ANO5: variants seen among roughly 807,000 people sequenced by gnomAD.
The protein encoded by ANO5 is anoctamin-5.
A neutral mutation model predicts 121.0 loss-of-function variants in ANO5; 109 were observed. The observed-to-expected ratio is 0.90, with a 90% CI of 0.77 to 1.06. ANO5 has a LOEUF of 1.06. Among genes scored for constraint, ANO5 ranks in the 50% least tolerant of loss-of-function variants. The pLI is 0.00. For synonymous variants in ANO5, 406 were observed against 359.9 expected, an observed-to-expected ratio of 1.13 and a Z score of -1.45; for missense variants, 1,064 against 1,078.5, an observed-to-expected ratio of 0.99 and a Z score of 0.19.
intron 18 of ANO5, among the ~76,000 whole-genome samples, chr11:22,271,417 C>T (rs767778518): frequency 7.2e-5 from 11 of 152,136 alleles, no homozygotes; most frequent in Admixed American, 1.3e-4. Context: ...AGCCAAAATT[C>T]TTCATACTTC....
chr11:22,230,002 T>G (rs1852985062), intron 7 of ANO5, among the ~76,000 whole-genome samples: 1 of 152,026 alleles, frequency 6.6e-6, no homozygotes, highest in African/African-American at 2.4e-5. Flanking sequence ...TCATGGCATC[T>G]GAGCTTCACA....
At chr11:22,250,405 C>T (rs755091595) in intron 10 of ANO5, 34 bp downstream of exon 10, 185 of 1,610,664 alleles carry the variant, frequency 1.1e-4, no homozygotes, top group Non-Finnish European at 1.5e-4. Flanking sequence ...ATAGAGAAAA[C>T]ATCTTTATCT....
chr11:22,239,309 AG>A (rs1294169579), intron 8 of ANO5, among the ~76,000 whole-genome samples: 2 of 152,102 alleles, frequency 1.3e-5, no homozygotes, highest in African/African-American at 4.8e-5. Context: ...TAGAGAAGAA[AG>A]GGCATTCCAG....
In ANO5 at chr11:22,270,415, G is replaced by A; in HGVS notation, c.2002G>A (p.Gly668Arg). ...DHDLESFGPLGLFYEYLETVT... is the reference protein window; with the variant it reads ...DHDLESFGPLRLFYEYLETVT... ...TGACCTTGAAAGTTTTGGACCCCTT[G>A]GGCTTTTCTATGAGTACTTAGAAAC... The change falls in exon 18 of 22, where the codon GGG becomes AGG. Residue 668 changes from glycine to arginine, a missense_variant. Physicochemically the swap from Gly to Arg is moderately radical, Grantham distance 125. Coordinates refer to ENST00000324559, the MANE Select transcript of ANO5 (RefSeq NM_213599.3). The A allele has an allele frequency of 1.2e-6, 2 of 1,614,034 alleles. No individual in the cohort carries two copies. The highest frequency in any genetic ancestry group is 1.7e-6 in the Non-Finnish European group (2 of 1,179,960).
intron 16 of ANO5, among the ~76,000 whole-genome samples, 195 bp downstream of exon 16, chr11:22,262,493 T>C (rs1854222481): frequency 6.6e-6 from 1 of 152,192 alleles, no homozygotes; most frequent in Non-Finnish European, 1.5e-5. Context: ...GAGCAAGAAG[T>C]TACATTATGC....
chr11:22,271,083 C>A (rs1470354664), intron 18 of ANO5, among the ~76,000 whole-genome samples: 1 of 152,128 alleles, frequency 6.6e-6, no homozygotes, highest in African/African-American at 2.4e-5. Flanking sequence ...GACAGAGTCT[C>A]GCTCTGTCGC....
At chr11:22,220,970 A>C (rs886492616) in intron 4 of ANO5, 127 bp from the exon 5 acceptor site, 8 of 695,270 alleles carry the variant, frequency 1.2e-5, no homozygotes, top group Non-Finnish European at 2.0e-5. Flanking sequence ...AAAACAAAGC[A>C]TAATCTGTTG....
chr11:22,228,523 C>G (rs1404619316), intron 7 of ANO5, among the ~76,000 whole-genome samples: 2 of 151,892 alleles, frequency 1.3e-5, no homozygotes, highest in Non-Finnish European at 2.9e-5. Context: ...TCTCTTCTAG[C>G]TATTTTGATA....
At position 22,272,317 on chromosome 11, in the gene ANO5, C is replaced by T. The variant is rs539594393; in HGVS notation, c.2030-467C>T. The stretch of plus-strand genomic sequence containing the variant: ...TCCTTTTCCGGCACACACACACACA[C>T]ACACACACACACACACACACACACA... On this transcript the variant is annotated intron_variant, in intron 18 of 21. Coordinates refer to ENST00000324559, the MANE Select transcript of ANO5 (RefSeq NM_213599.3). Among the ~76,000 whole-genome samples the T allele has an allele frequency of 2.0e-5, 3 of 148,284 alleles. No individual in the cohort carries two copies. The South Asian group carries it at 6.4e-4, about 32-fold the overall frequency.
chr11:22,250,710 C>T (rs1167734034), intron 10 of ANO5, 31 bp from the exon 11 acceptor site: 2 of 1,594,576 alleles, frequency 1.3e-6, no homozygotes, highest in East Asian at 2.2e-5. Context: ...ACACCTATCA[C>T]TGTTCAATAA....
chr11:22,240,178 T>C (rs957484406), intron 9 of ANO5, among the ~76,000 whole-genome samples: 2 of 151,972 alleles, frequency 1.3e-5, no homozygotes, highest in Non-Finnish European at 2.9e-5. Flanking sequence ...TGGATGTTTG[T>C]GTGTGTGTGC....
chr11:22,213,501 C>G (rs1157819491), intron 3 of ANO5, among the ~76,000 whole-genome samples: 1 of 151,612 alleles, frequency 6.6e-6, no homozygotes, highest in African/African-American at 2.4e-5. Context: ...ATAGAAGTGT[C>G]GTTATCTTCA....
At chr11:22,203,958 C>T in intron 2 of ANO5, 108 bp downstream of exon 2, 2 of 675,224 alleles carry the variant, frequency 3.0e-6, no homozygotes, top group Non-Finnish European at 4.9e-6. Context: ...TCTATTATGC[C>T]CTCTAATTTA....
At position 22,261,830 on chromosome 11, in the gene ANO5, AC is replaced by A. The variant is rs141757784; in HGVS notation, c.1631-297del. On this transcript the variant is annotated intron_variant, in intron 15 of 21. Transcript: ENST00000324559. ...GATTTTGGTTGGGACAGAGTGCCAA[AC>A]CATATCATGTGGGTTTGAATTTCAA... Among the ~76,000 whole-genome samples the A allele has an allele frequency of 0.011, 1,647 of 152,278 alleles. 41 individuals carry two copies. Among genetic ancestry groups the A allele is most frequent in the African/African-American group, 0.038 (1,572 of 41,560 alleles).
At position 22,217,480 on chromosome 11, in the gene ANO5, C is replaced by G. The variant is rs150780563; in HGVS notation, c.139-766C>G. ...AAACTTTCCATACTACACATCATAT[C>G]AGTATAAATGTGGTAATTTTAATTT... is the stretch of plus-strand genomic sequence containing the variant. On this transcript the variant is annotated intron_variant, in intron 3 of 21. Coordinates refer to ENST00000324559, the MANE Select transcript of ANO5 (RefSeq NM_213599.3). Among the ~76,000 whole-genome samples the G allele has an allele frequency of 2.6e-4, 39 of 151,448 alleles. No homozygotes were observed. In the East Asian group the frequency reaches 7.0e-3, roughly 27 times the overall value.
intron 10 of ANO5, 41 bp downstream of exon 10, chr11:22,250,412 A>T (rs374512469): frequency 6.2e-7 from 1 of 1,609,920 alleles, no homozygotes; most frequent in South Asian, 1.1e-5. Flanking sequence ...AAACATCTTT[A>T]TCTTGTGCCA....
chr11:22,248,609 C>CA (rs1428025742), intron 9 of ANO5, among the ~76,000 whole-genome samples: 2 of 151,882 alleles, frequency 1.3e-5, no homozygotes, highest in African/African-American at 4.8e-5. Flanking sequence ...TGTATATTTC[C>CA]ACATGTAATA....
At chr11:22,250,520 A>G (rs1478795524) in intron 10 of ANO5, 149 bp downstream of exon 10, 3 of 1,214,714 alleles carry the variant, frequency 2.5e-6, no homozygotes, top group Non-Finnish European at 2.3e-6. Flanking sequence ...CAAACATAAC[A>G]GTTGCCTCTC....
Position 22,272,767 on chromosome 11 carries a change from T to C in ANO5, c.2030-17T>C, listed in dbSNP as rs1854669847. The C allele has an allele frequency of 2.5e-6, 4 of 1,609,752 alleles. No individual in the cohort carries two copies. Among genetic ancestry groups the C allele is most frequent in the Non-Finnish European group, 3.4e-6 (4 of 1,176,410 alleles). The stretch of plus-strand genomic sequence containing the variant: ...CCTTCACAATAATGAGTTCATGCCT[T>C]TTTCTTTTCTCTACAGTTACTCAAT... On this transcript the variant is annotated splice_polypyrimidine_tract_variant and intron_variant, in intron 18 of 21. Coordinates refer to ENST00000324559, the MANE Select transcript of ANO5 (RefSeq NM_213599.3).
Sources: allele counts gnomAD v4.1 joint callset (sites outside exome capture counted in the v4.1 genomes callset), GRCh38; gene constraint gnomAD v4.1.1; transcripts MANE v1.5; gene names NCBI Gene and HGNC (gene_info 2026-07-23, HGNC 2026-07-21).